The following CCNT2 variants were observed in gnomAD, a reference collection of about 807,000 sequenced individuals.
CCNT2 encodes the protein cyclin-T2.
CCNT2 carries 18 observed loss-of-function variants against 70.0 expected under a neutral mutation model. The observed-to-expected ratio is 0.26, with a 90% CI of 0.18 to 0.38. The LOEUF (loss-of-function observed/expected upper bound fraction) is 0.38, where lower values mean the gene tolerates loss of function less well. CCNT2 is among the 10% of genes least tolerant of loss of function. The probability of loss-of-function intolerance (pLI) is 1.00; values close to 1 mark genes in which losing one functional copy is unlikely to be tolerated. For missense variants in CCNT2, 734 were observed against 890.2 expected, an observed-to-expected ratio of 0.82 and a Z score of 2.23; for synonymous variants, 334 against 313.3, an observed-to-expected ratio of 1.07 and a Z score of -0.70.
chr2:134,957,593 GGGT>G lies in CCNT2; in HGVS notation c.*2949_*2951del, dbSNP rs1683000537. The G allele has an allele frequency of 1.0e-5, 1 of 99,424 alleles. No individual in the cohort carries two copies. Among genetic ancestry groups the G allele is most frequent in the South Asian group, 5.0e-4 (1 of 2,018 alleles). The allele number at this position is 99,424 out of a possible 1,614,324, so 6.2% of individuals were successfully genotyped here. A position where few individuals can be genotyped will look rare whatever the true frequency, so the allele number is the denominator to read the frequency against. ...TAGGTATTTTCAGAACCAAAGCAAA[GGGT>G]GGTTTGTTCACTGAAACATTCTTAG... On this transcript the variant is annotated 3_prime_UTR_variant, in exon 9 of 9. Transcript: ENST00000264157.
At position 134,918,959 on chromosome 2, in the gene CCNT2, G is replaced by T; in HGVS notation, c.105G>T (p.Ser35=). 6.2e-7 allele frequency: 1 copy of T among 1,613,824 alleles called. No homozygotes were observed. Among genetic ancestry groups the T allele is most frequent in the Non-Finnish European group, 8.5e-7 (1 of 1,179,922 alleles). Reference sequence around the variant, plus strand: ...GAGTGGAGGCGGATAAAGAGCTCTCGTGCCGCCAGCAGGCGGCCAACCTCA... The same window carrying T: ...GAGTGGAGGCGGATAAAGAGCTCTCTTGCCGCCAGCAGGCGGCCAACCTCA... ...RCGVEADKEL[S]CRQQAANLIQ... Residue 35 remains serine, a synonymous_variant, in exon 1 of 9, where the codon TCG becomes TCT. Transcript: ENST00000264157.
intron 4 of CCNT2, among the ~76,000 whole-genome samples, chr2:134,942,169 G>A (rs1275159398): frequency 6.6e-6 from 1 of 150,928 alleles, no homozygotes; most frequent in East Asian, 1.9e-4. Context: ...GATCTAGAGT[G>A]CCGTATCATT....
intron 7 of CCNT2, among the ~76,000 whole-genome samples, chr2:134,950,490 A>G (rs1682403840): frequency 6.6e-6 from 1 of 152,080 alleles, no homozygotes. Context: ...AATACACACA[A>G]ACCGGGCATG....
Position 134,947,902 on chromosome 2 carries a change from A to G in CCNT2, c.703+3A>G. On this transcript the variant is annotated splice_donor_region_variant and intron_variant, in intron 7 of 8. Coordinates refer to ENST00000264157, the MANE Select transcript of CCNT2 (RefSeq NM_058241.3). ...AGTTACTCTAGAATTATTAGATGGT[A>G]AGTAGAGAAAATAAATTTTTAAGTT... The G allele has an allele frequency of 6.9e-7, 1 of 1,445,416 alleles. No homozygotes were observed. The highest frequency in any genetic ancestry group is 9.3e-7 in the Non-Finnish European group (1 of 1,076,388). The allele number at this position is 1,445,416 out of a possible 1,614,324, so 89.5% of individuals were successfully genotyped here.
Position 134,954,023 on chromosome 2 carries a change from T to G in CCNT2, c.1568T>G (p.Leu523Arg). The change falls in exon 9 of 9, where the codon CTG (leucine) becomes CGG (arginine). Residue 523 changes from leucine to arginine, a missense_variant. Transcript: ENST00000264157. Reference sequence around the variant, plus strand: ...GATAAAAGCGCCAGTAAAGAAGAACTGAAAATGAAAATAAAAGTTTCTTCT... The same window carrying G: ...GATAAAAGCGCCAGTAAAGAAGAACGGAAAATGAAAATAAAAGTTTCTTCT... ...PTDKSASKEE[L>R]KMKIKVSSSE... The G allele has an allele frequency of 6.2e-7, 1 of 1,614,046 alleles. No homozygotes were observed. Among genetic ancestry groups the G allele is most frequent in the Non-Finnish European group, 8.5e-7 (1 of 1,179,984 alleles).
chr2:134,944,739 C>G (rs1681824429), intron 5 of CCNT2: 1 of 984,914 alleles, frequency 1.0e-6, no homozygotes, highest in Non-Finnish European at 1.2e-6. Context: ...AGTACTGTTT[C>G]ATGTTTTAGT....
intron 2 of CCNT2, among the ~76,000 whole-genome samples, chr2:134,924,441 T>C (rs1213568171): frequency 1.3e-5 from 2 of 152,148 alleles, no homozygotes; most frequent in Non-Finnish European, 2.9e-5. Context: ...CCTCCAAAAG[T>C]AACCAGTATT....
intron 2 of CCNT2, among the ~76,000 whole-genome samples, chr2:134,933,620 A>C: frequency 6.6e-6 from 1 of 152,226 alleles, no homozygotes. Flanking sequence ...TCATAAATTC[A>C]GTGTTTGGAT....
At chr2:134,936,626 G>A (rs543556964) in intron 2 of CCNT2, among the ~76,000 whole-genome samples, 1 of 151,942 alleles carries the variant, frequency 6.6e-6, no homozygotes, top group Non-Finnish European at 1.5e-5. Flanking sequence ...GGTGGTGCAT[G>A]CCTGTAATCC....
At chr2:134,952,383 T>A (rs1242350310) in intron 7 of CCNT2, among the ~76,000 whole-genome samples, 1 of 152,140 alleles carries the variant, frequency 6.6e-6, no homozygotes, top group Non-Finnish European at 1.5e-5. Context: ...GGGGGGTGAT[T>A]ATTTTTAATG....
rs946213117 is a variant in CCNT2 at position 134,958,829 on chromosome 2, T to C, written c.*4181T>C. ...TACCTCTGTGGCACCTTCTTTATAA[T>C]TTACTGTTACCTATTCTGCCTGACA... is the stretch of plus-strand genomic sequence containing the variant. On this transcript the variant is annotated 3_prime_UTR_variant, in exon 9 of 9. Coordinates refer to ENST00000264157, the MANE Select transcript of CCNT2 (RefSeq NM_058241.3). 1.2e-4 allele frequency: 18 copies of C among 152,234 alleles called. No individual in the cohort carries two copies. Among genetic ancestry groups the C allele is most frequent in the African/African-American group, 4.1e-4 (17 of 41,458 alleles). The allele number at this position is 152,234 out of a possible 1,614,324, so 9.4% of individuals were successfully genotyped here. A position where few individuals can be genotyped will look rare whatever the true frequency, so the allele number is the denominator to read the frequency against.
At chr2:134,940,490 A>G (rs1051617109) in intron 4 of CCNT2, among the ~76,000 whole-genome samples, 8 of 152,228 alleles carry the variant, frequency 5.3e-5, no homozygotes, top group Non-Finnish European at 1.2e-4. Flanking sequence ...CAAACAGACA[A>G]TATGTGGCTC....
Sources: allele counts gnomAD v4.1 joint callset (sites outside exome capture counted in the v4.1 genomes callset), GRCh38; gene constraint gnomAD v4.1.1; transcripts MANE v1.5; gene names NCBI Gene and HGNC (gene_info 2026-07-23, HGNC 2026-07-21).